CILK1: variants seen among roughly 807,000 people sequenced by gnomAD.
The protein encoded by CILK1 is serine/threonine-protein kinase ICK.
A neutral mutation model predicts 79.2 loss-of-function variants in CILK1; 47 were observed. That is an observed-to-expected ratio of 0.59 (90% CI 0.47 to 0.76). The LOEUF is 0.76. CILK1 is among the 30% of genes least tolerant of loss of function. The pLI is 0.00. For synonymous variants in CILK1, 266 were observed against 275.9 expected, an observed-to-expected ratio of 0.96 and a Z score of 0.36; for missense variants, 660 against 769.5, an observed-to-expected ratio of 0.86 and a Z score of 1.68.
chr6:53,038,022 C>T (rs1352672987), intron 2 of CILK1, 29 bp from the exon 3 acceptor site: 3 of 1,453,978 alleles, frequency 2.1e-6, no homozygotes, highest in Non-Finnish European at 2.9e-6. Context: ...ACAAACAGCA[C>T]ACTTATTCTC....
At chr6:53,056,040 G>A (rs1296723788) in intron 1 of CILK1, among the ~76,000 whole-genome samples, 1 of 152,182 alleles carries the variant, frequency 6.6e-6, no homozygotes. Flanking sequence ...AGATAGGGGA[G>A]TGACTAAGAG....
intron 2 of CILK1, among the ~76,000 whole-genome samples, chr6:53,040,141 T>C (rs1437392163): frequency 6.6e-6 from 1 of 152,222 alleles, no homozygotes; most frequent in Non-Finnish European, 1.5e-5. Context: ...ACAAGTCAAC[T>C]GGATAGAGAT....
At chr6:53,037,881 G>T in intron 3 of CILK1, 58 bp downstream of exon 3, 1 of 1,016,514 alleles carries the variant, frequency 9.8e-7, no homozygotes. Context: ...ATAAATCTAA[G>T]CATGTACAAA....
At chr6:53,022,923 C>T (rs1292562599) in intron 5 of CILK1, among the ~76,000 whole-genome samples, 4 of 150,450 alleles carry the variant, frequency 2.7e-5, no homozygotes, top group African/African-American at 9.8e-5. Context: ...CTATCAACTT[C>T]AGGTATGTTA....
At chr6:53,035,188 A>C (rs1267085004) in intron 3 of CILK1, among the ~76,000 whole-genome samples, 2 of 152,154 alleles carry the variant, frequency 1.3e-5, no homozygotes, top group Non-Finnish European at 2.9e-5. Flanking sequence ...AGCTGCACTG[A>C]AGAAAGAAGT....
chr6:53,002,901 G>A lies in CILK1; in HGVS notation c.*2248C>T, dbSNP rs765151994. 16 of 152,524 alleles carry A rather than the reference G, an allele frequency of 1.0e-4. No individual in the cohort carries two copies. The highest frequency in any genetic ancestry group is 6.5e-4 in the Admixed American group (10 of 15,284). 9.4% of individuals were successfully genotyped at this position (152,524 alleles called of 1,614,324 possible). A position where few individuals can be genotyped will look rare whatever the true frequency, so the allele number is the denominator to read the frequency against. On this transcript the variant is annotated 3_prime_UTR_variant, in exon 14 of 14. Transcript: ENST00000676107. ...ATGACCTTATATAAGCTAGATTACT[G>A]AGACTATGGTATTAAACAATCCATT... is the stretch of plus-strand genomic sequence containing the variant.
intron 1 of CILK1, among the ~76,000 whole-genome samples, chr6:53,055,450 A>T (rs1421018254): frequency 6.6e-6 from 1 of 152,202 alleles, no homozygotes; most frequent in Non-Finnish European, 1.5e-5. Context: ...TTTCTGCATA[A>T]GGAATAGCAG....
intron 2 of CILK1, among the ~76,000 whole-genome samples, chr6:53,038,377 T>A (rs972353301): frequency 6.6e-6 from 1 of 152,220 alleles, no homozygotes; most frequent in African/African-American, 2.4e-5. Context: ...TAGACACATG[T>A]GGCTACCGAG....
intron 1 of CILK1, among the ~76,000 whole-genome samples, chr6:53,046,114 T>A (rs1464535138): frequency 1.3e-5 from 2 of 152,196 alleles, no homozygotes; most frequent in Non-Finnish European, 2.9e-5. Flanking sequence ...CAAGCATGTG[T>A]CTCTCAGCCT....
intron 8 of CILK1, 23 bp downstream of exon 8, chr6:53,016,060 A>C (rs570364049): frequency 1.2e-6 from 2 of 1,611,622 alleles, no homozygotes; most frequent in South Asian, 1.1e-5. Flanking sequence ...TATGAACGTT[A>C]TAACAAGAAA....
intron 3 of CILK1, among the ~76,000 whole-genome samples, chr6:53,035,937 T>C: frequency 6.6e-6 from 1 of 150,658 alleles, no homozygotes; most frequent in East Asian, 2.0e-4. Context: ...CTGCTAAGTC[T>C]GTGTGAGGCC....
intron 1 of CILK1, among the ~76,000 whole-genome samples, chr6:53,044,652 C>G (rs1719528523): frequency 6.6e-6 from 1 of 152,138 alleles, no homozygotes; most frequent in African/African-American, 2.4e-5. Context: ...AATGATATCC[C>G]TCCTCCAAAT....
intron 1 of CILK1, among the ~76,000 whole-genome samples, chr6:53,050,617 G>A (rs1032909364): frequency 2.6e-5 from 4 of 151,988 alleles, no homozygotes; most frequent in African/African-American, 9.7e-5. Flanking sequence ...CTTAAGTCCA[G>A]GAGTTCAAGA....
At chr6:53,051,696 C>T (rs1239639153) in intron 1 of CILK1, among the ~76,000 whole-genome samples, 1 of 152,188 alleles carries the variant, frequency 6.6e-6, no homozygotes, top group Non-Finnish European at 1.5e-5. Flanking sequence ...TCCATTGTGT[C>T]ATATAAAGTA....
chr6:53,018,012 G>C (rs1426107711), intron 7 of CILK1, among the ~76,000 whole-genome samples: 2 of 152,194 alleles, frequency 1.3e-5, no homozygotes, highest in African/African-American at 4.8e-5. Flanking sequence ...GAGGGAGGCA[G>C]CGGCTAAGGA....
chr6:53,003,771 A>C lies in CILK1; in HGVS notation c.*1378T>G, dbSNP rs1581928114. ...TTACTTACATATGGTTCAATTTGTC[A>C]TTATCCTGGAACCAATAGAGAGTAG... is the stretch of plus-strand genomic sequence containing the variant. On this transcript the variant is annotated 3_prime_UTR_variant, in exon 14 of 14. Coordinates refer to ENST00000676107, the MANE Select transcript of CILK1 (RefSeq NM_014920.5). The C allele has an allele frequency of 1.3e-5, 2 of 152,556 alleles. No homozygotes were observed. The highest frequency in any genetic ancestry group is 4.8e-5 in the African/African-American group (2 of 41,428). The allele number at this position is 152,556 out of a possible 1,614,324, so 9.5% of individuals were successfully genotyped here. A position where few individuals can be genotyped will look rare whatever the true frequency, so the allele number is the denominator to read the frequency against.
At chr6:53,006,273 A>G in intron 13 of CILK1, 42 bp downstream of exon 13, 1 of 1,598,712 alleles carries the variant, frequency 6.3e-7, no homozygotes. Context: ...TTGAGTAACC[A>G]TTTGTTGAGT....
intron 5 of CILK1, among the ~76,000 whole-genome samples, chr6:53,030,563 A>G (rs1292862318): frequency 1.3e-5 from 2 of 152,212 alleles, no homozygotes; most frequent in East Asian, 3.8e-4. Context: ...ACCTCTGGCT[A>G]TATCCACATC....
chr6:53,008,612 G>A (rs1764380602), intron 12 of CILK1, among the ~76,000 whole-genome samples: 1 of 151,814 alleles, frequency 6.6e-6, no homozygotes, highest in Non-Finnish European at 1.5e-5. Context: ...TTTAGGTAGA[G>A]ACAGGGTTTT....
Sources: allele counts gnomAD v4.1 joint callset (sites outside exome capture counted in the v4.1 genomes callset), GRCh38; gene constraint gnomAD v4.1.1; transcripts MANE v1.5; gene names NCBI Gene and HGNC (gene_info 2026-07-23, HGNC 2026-07-21).